Variants in COL14A1 observed in about 807,000 individuals in gnomAD.
The protein encoded by COL14A1 is collagen alpha-1(XIV) chain.
COL14A1 carries 136 observed loss-of-function variants against 230.3 expected under a neutral mutation model. The observed-to-expected ratio is 0.59, with a 90% CI of 0.51 to 0.68. The LOEUF (loss-of-function observed/expected upper bound fraction) is 0.68, where lower values mean the gene tolerates loss of function less well. Among genes scored for constraint, COL14A1 ranks in the 30% least tolerant of loss-of-function variants. COL14A1 has a pLI of 0.00. For missense variants in COL14A1, 1,976 were observed against 2,215.8 expected (o/e 0.89, Z 2.17); for synonymous variants, 792 against 784.1 (o/e 1.01, Z -0.17).
At position 120,300,743 on chromosome 8, in the gene COL14A1, G is replaced by A. The variant is rs1444296796; in HGVS notation, c.4326G>A (p.Glu1442=). The A allele has an allele frequency of 6.2e-7, 1 of 1,613,390 alleles. No homozygotes were observed. Among genetic ancestry groups the A allele is most frequent in the South Asian group, 1.1e-5 (1 of 91,044 alleles). ...CCELPGLRDD[E]SCPDLPHSCS... ...TTGTTTCTTTTCAGAGAGATGATGA[G>A]TCTTGCCCAGACCTTCCCCATTCCT... Residue 1442 remains glutamate, a synonymous_variant, in exon 36 of 48, where the codon GAG becomes GAA. Coordinates refer to ENST00000297848, the MANE Select transcript of COL14A1 (RefSeq NM_021110.4).
intron 26 of COL14A1, among the ~76,000 whole-genome samples, chr8:120,277,049 GA>G (rs1219718916): frequency 1.3e-5 from 2 of 151,862 alleles, no homozygotes; most frequent in Admixed American, 1.3e-4. Context: ...TCATAATTCT[GA>G]AAAACAAATA....
At chr8:120,223,597 G>C (rs1271655044) in intron 14 of COL14A1, among the ~76,000 whole-genome samples, 1 of 152,114 alleles carries the variant, frequency 6.6e-6, no homozygotes, top group East Asian at 1.9e-4. Flanking sequence ...TTGAAACCTG[G>C]AGGCGGAGGT....
intron 5 of COL14A1, among the ~76,000 whole-genome samples, chr8:120,193,509 C>G (rs1462770543): frequency 1.3e-5 from 2 of 152,222 alleles, no homozygotes; most frequent in African/African-American, 4.8e-5. Flanking sequence ...CAGGGACCCA[C>G]TTGAGGAGGC....
intron 26 of COL14A1, among the ~76,000 whole-genome samples, chr8:120,276,143 A>T (rs191938659): frequency 2.5e-4 from 38 of 151,132 alleles, no homozygotes; most frequent in Middle Eastern, 3.4e-3. Context: ...TATATTATAT[A>T]TATATTTTAC....
rs117868963 is a variant in COL14A1, at chr8:120,154,527, C to T, written c.89-3603C>T. On this transcript the variant is annotated intron_variant, in intron 2 of 47. Coordinates refer to ENST00000297848, the MANE Select transcript of COL14A1 (RefSeq NM_021110.4). The stretch of plus-strand genomic sequence containing the variant: ...GGGTAGCCGCTCCTCAGTCTTCCCC[C>T]TCAGTCTCCCTTTGGGATGATGTTT... 8.5e-3 allele frequency among the ~76,000 whole-genome samples: 1,290 copies of T among 152,268 alleles called. 18 individuals carry two copies. The highest frequency in any genetic ancestry group is 0.044 in the South Asian group (211 of 4,822).
chr8:120,274,243 A>G (rs879431156), intron 26 of COL14A1, among the ~76,000 whole-genome samples: 1 of 151,798 alleles, frequency 6.6e-6, no homozygotes, highest in African/African-American at 2.4e-5. Context: ...TGTTCATCTC[A>G]TAGATGCAGA....
intron 37 of COL14A1, 97 bp downstream of exon 37, chr8:120,310,159 G>A (rs1586851888): frequency 2.4e-6 from 3 of 1,241,232 alleles, no homozygotes. Context: ...TTTCACCCTT[G>A]CAATCTAAAG....
At chr8:120,167,683 TTG>T (rs1815953559) in intron 4 of COL14A1, among the ~76,000 whole-genome samples, 2 of 152,218 alleles carry the variant, frequency 1.3e-5, no homozygotes, top group African/African-American at 2.4e-5. Flanking sequence ...CTTCATCTTC[TTG>T]TTTTGCTGTT....
chr8:120,178,076 T>G (rs1254779621), intron 5 of COL14A1, among the ~76,000 whole-genome samples: 2 of 152,156 alleles, frequency 1.3e-5, no homozygotes, highest in Admixed American at 6.5e-5. Flanking sequence ...AAACCTGTTT[T>G]TTTTTTTGTT....
chr8:120,208,826 G>C (rs186653991), intron 11 of COL14A1, among the ~76,000 whole-genome samples: 1 of 152,098 alleles, frequency 6.6e-6, no homozygotes, highest in East Asian at 1.9e-4. Flanking sequence ...CCCTGGGTAG[G>C]ATCGTAATAA....
intron 36 of COL14A1, among the ~76,000 whole-genome samples, chr8:120,304,558 CTT>C (rs1297350014): frequency 2.0e-5 from 3 of 152,142 alleles, no homozygotes; most frequent in Non-Finnish European, 4.4e-5. Context: ...TTCCTATTGG[CTT>C]GTTACGTGAA....
intron 30 of COL14A1, 22 bp from the exon 31 acceptor site, chr8:120,280,899 T>C (rs1310425713): frequency 2.7e-6 from 4 of 1,470,738 alleles, no homozygotes; most frequent in Non-Finnish European, 3.6e-6. Flanking sequence ...TTATTCTTTT[T>C]CTACTTTTTT....
chr8:120,140,260 A>C lies in COL14A1; in HGVS notation c.-37-7546A>C, dbSNP rs546791043. ...TCATACTTATTTCATTCGGTTTTGC[A>C]ATATGATTGCTGGCAATCTTGCTTT... On this transcript the variant is annotated intron_variant, in intron 1 of 47. Transcript: ENST00000297848. Among the ~76,000 whole-genome samples, 5 of 152,150 alleles carry C rather than the reference A, an allele frequency of 3.3e-5. No homozygotes were observed. The South Asian group carries it at 1.0e-3, about 32-fold the overall frequency.
chr8:120,317,740 C>T (rs1821282968), intron 40 of COL14A1, among the ~76,000 whole-genome samples: 1 of 152,190 alleles, frequency 6.6e-6, no homozygotes, highest in Admixed American at 6.5e-5. Context: ...TCTTTTAACA[C>T]CAATATACCA....
At chr8:120,140,663 T>C (rs968260115) in intron 1 of COL14A1, among the ~76,000 whole-genome samples, 1 of 152,216 alleles carries the variant, frequency 6.6e-6, no homozygotes, top group African/African-American at 2.4e-5. Flanking sequence ...TGAGTGTGTG[T>C]GGTTTACGAA....
At chr8:120,221,958 G>A (rs1172250590) in intron 14 of COL14A1, among the ~76,000 whole-genome samples, 1 of 151,518 alleles carries the variant, frequency 6.6e-6, no homozygotes, top group Non-Finnish European at 1.5e-5. Flanking sequence ...GTAACTAGAG[G>A]TTAGGAAAAT....
chr8:120,310,474 T>C (rs1020904271), intron 37 of COL14A1, among the ~76,000 whole-genome samples: 3 of 152,178 alleles, frequency 2.0e-5, no homozygotes, highest in East Asian at 1.9e-4. Context: ...CTGCACTATA[T>C]ATAATCAAAC....
intron 43 of COL14A1, among the ~76,000 whole-genome samples, chr8:120,341,680 A>G (rs1464061724): frequency 5.3e-5 from 8 of 152,330 alleles, no homozygotes; most frequent in Middle Eastern, 3.4e-3. Flanking sequence ...TGAGAACGTT[A>G]TATAATAGAT....
chr8:120,125,017 G>C (rs1011143123), upstream of COL14A1: 3 of 152,434 alleles, frequency 2.0e-5, no homozygotes, highest in East Asian at 5.8e-4. Context: ...GGGCGTTATG[G>C]GCTTAGGCCT....
Sources: allele counts gnomAD v4.1 joint callset (sites outside exome capture counted in the v4.1 genomes callset), GRCh38; gene constraint gnomAD v4.1.1; transcripts MANE v1.5; gene names NCBI Gene and HGNC (gene_info 2026-07-23, HGNC 2026-07-21).